Variants in CACNA2D3 observed in about 807,000 individuals in gnomAD.
CACNA2D3 encodes voltage-dependent calcium channel subunit alpha-2/delta-3.
A neutral mutation model predicts 160.6 loss-of-function variants in CACNA2D3; 60 were observed. That is an observed-to-expected ratio of 0.37 (90% CI 0.30 to 0.46). The LOEUF (loss-of-function observed/expected upper bound fraction) is 0.46, where lower values mean the gene tolerates loss of function less well. Ranked by LOEUF, CACNA2D3 falls within the 20% of genes least tolerant of loss-of-function variation. CACNA2D3 has a pLI of 1.00. For missense variants in CACNA2D3, 1,205 were observed against 1,365.0 expected (o/e 0.88, Z 1.85); for synonymous variants, 558 against 492.9 (o/e 1.13, Z -1.75).
chr3:54,517,149 G>A (rs1431466354), intron 5 of CACNA2D3, among the ~76,000 whole-genome samples: 1 of 152,214 alleles, frequency 6.6e-6, no homozygotes, highest in East Asian at 1.9e-4. Context: ...AAGAAGGTTA[G>A]TTATTTCTTC....
intron 2 of CACNA2D3, among the ~76,000 whole-genome samples, chr3:54,149,931 C>CT (rs1700113270): frequency 5.9e-3 from 278 of 47,048 alleles, no homozygotes; most frequent in African/African-American, 8.7e-3. Context: ...CTCTCTCTCT[C>CT]CCTCCCTCCC....
At chr3:54,601,711 A>T (rs188219657) in intron 9 of CACNA2D3, among the ~76,000 whole-genome samples, 1 of 151,864 alleles carries the variant, frequency 6.6e-6, no homozygotes, top group Admixed American at 6.6e-5. Context: ...AACTCTAGCA[A>T]TTCTGCTTGG....
intron 4 of CACNA2D3, among the ~76,000 whole-genome samples, chr3:54,451,049 A>G (rs1475801896): frequency 3.3e-5 from 5 of 152,160 alleles, no homozygotes; most frequent in African/African-American, 1.2e-4. Flanking sequence ...AACAAACTCT[A>G]CTAGGCTTTA....
chr3:54,656,440 G>T (rs112845397), intron 11 of CACNA2D3, among the ~76,000 whole-genome samples: 1 of 152,196 alleles, frequency 6.6e-6, no homozygotes, highest in African/African-American at 2.4e-5. Flanking sequence ...GTCAGAAACT[G>T]CCCAGTGGCA....
rs537040196 is a variant in CACNA2D3 at position 54,484,694 on chromosome 3, T to C, written c.382-18798T>C. Among the ~76,000 whole-genome samples, 7 of 152,316 alleles carry C rather than the reference T, an allele frequency of 4.6e-5. No homozygotes were observed. In the South Asian group the frequency reaches 1.5e-3, roughly 32 times the overall value. On this transcript the variant is annotated intron_variant, in intron 4 of 37. Coordinates refer to ENST00000474759, the MANE Select transcript of CACNA2D3 (RefSeq NM_018398.3). ...TATCTTTTAATTGCTTCTTAACTCT[T>C]GTAACTGGAAATGGTGAAGTTATTA...
rs746962852 is a variant in CACNA2D3, at chr3:54,569,862, A to C, written c.737+7A>C. ...ACTGCAGGAACCGAAAATGGTAGGC[A>C]GTGGTCAGACCTCTTTGTTATTTCT... is the stretch of plus-strand genomic sequence containing the variant. On this transcript the variant is annotated splice_region_variant and intron_variant, in intron 7 of 37. Transcript: ENST00000474759. 6.2e-7 allele frequency: 1 copy of C among 1,610,430 alleles called. No homozygotes were observed. The highest frequency in any genetic ancestry group is 2.2e-5 in the East Asian group (1 of 44,820).
chr3:54,818,855 C>T (rs570138932), intron 14 of CACNA2D3, among the ~76,000 whole-genome samples: 4 of 152,250 alleles, frequency 2.6e-5, no homozygotes, highest in South Asian at 2.1e-4. Context: ...GAGATCTATG[C>T]GACATGGTTT....
chr3:54,943,211 A>AAAG (rs1370991522), intron 27 of CACNA2D3, among the ~76,000 whole-genome samples: 3 of 151,606 alleles, frequency 2.0e-5, no homozygotes, highest in East Asian at 3.9e-4. Flanking sequence ...GGTAAAAAAA[A>AAAG]AAAAAATGAG....
intron 2 of CACNA2D3, among the ~76,000 whole-genome samples, chr3:54,279,549 T>G (rs1702822623): frequency 6.6e-6 from 1 of 152,194 alleles, no homozygotes; most frequent in African/African-American, 2.4e-5. Context: ...GGAGCTTTCA[T>G]TTAAATGCCT....
chr3:54,478,946 A>T (rs1307045694), intron 4 of CACNA2D3, among the ~76,000 whole-genome samples: 2 of 151,836 alleles, frequency 1.3e-5, no homozygotes, highest in African/African-American at 4.8e-5. Context: ...GTATATATAT[A>T]AAAAACCCAT....
intron 11 of CACNA2D3, among the ~76,000 whole-genome samples, chr3:54,655,491 A>G (rs976747541): frequency 2.6e-5 from 4 of 152,198 alleles, no homozygotes; most frequent in Admixed American, 6.5e-5. Flanking sequence ...ATGGATTTGG[A>G]TGTGGGAAAT....
At chr3:55,059,416 A>AC (rs999942139) in intron 35 of CACNA2D3, among the ~76,000 whole-genome samples, 6 of 152,066 alleles carry the variant, frequency 3.9e-5, no homozygotes, top group South Asian at 2.1e-4. Context: ...GAGTTATCTG[A>AC]CCCCCCTCGC....
intron 2 of CACNA2D3, among the ~76,000 whole-genome samples, chr3:54,152,227 T>C (rs1286922137): frequency 1.3e-5 from 2 of 152,220 alleles, no homozygotes; most frequent in Admixed American, 1.3e-4. Context: ...TAGTGGTTAA[T>C]ATCCCAGATC....
At chr3:54,487,349 C>A (rs1428753742) in intron 4 of CACNA2D3, among the ~76,000 whole-genome samples, 18 of 152,118 alleles carry the variant, frequency 1.2e-4, no homozygotes, top group Non-Finnish European at 4.4e-5. Context: ...GCTTGGGTGA[C>A]AGAGCAAGAC....
At chr3:54,363,289 G>A (rs899512374) in intron 3 of CACNA2D3, among the ~76,000 whole-genome samples, 14 of 152,028 alleles carry the variant, frequency 9.2e-5, no homozygotes, top group African/African-American at 2.7e-4. Flanking sequence ...ATACACGATC[G>A]GACAAAACAA....
chr3:54,814,658 G>A (rs1185561194), intron 13 of CACNA2D3, among the ~76,000 whole-genome samples: 1 of 152,224 alleles, frequency 6.6e-6, no homozygotes, highest in Non-Finnish European at 1.5e-5. Context: ...GTTATTTCTT[G>A]AGGAAAATAT....
At chr3:54,479,016 G>A (rs114457695) in intron 4 of CACNA2D3, among the ~76,000 whole-genome samples, 101 of 151,970 alleles carry the variant, frequency 6.6e-4, no homozygotes, top group African/African-American at 2.2e-3. Context: ...TTGAATTGTA[G>A]TTACTGTAAC....
intron 2 of CACNA2D3, among the ~76,000 whole-genome samples, chr3:54,192,347 C>G (rs1700999417): frequency 6.6e-6 from 1 of 152,170 alleles, no homozygotes; most frequent in Non-Finnish European, 1.5e-5. Flanking sequence ...CTTCTGCAAA[C>G]AGGGCATTGA....
intron 8 of CACNA2D3, among the ~76,000 whole-genome samples, chr3:54,576,435 G>T (rs1702583550): frequency 6.6e-6 from 1 of 152,138 alleles, no homozygotes; most frequent in Non-Finnish European, 1.5e-5. Flanking sequence ...AATCAAAGTT[G>T]TCTTTCCTAT....
Sources: allele counts gnomAD v4.1 joint callset (sites outside exome capture counted in the v4.1 genomes callset), GRCh38; gene constraint gnomAD v4.1.1; transcripts MANE v1.5; gene names NCBI Gene and HGNC (gene_info 2026-07-23, HGNC 2026-07-21).